CNTF: variants seen among roughly 807,000 people sequenced by gnomAD.
CNTF encodes ciliary neurotrophic factor, also known as Ciliary Neuronotrophic Factor.
Under a neutral mutation model 13.0 loss-of-function variants are expected in CNTF, and 14 were observed. That is an observed-to-expected ratio of 1.07 (90% CI 0.71 to 1.68). The LOEUF (loss-of-function observed/expected upper bound fraction) is 1.68, where lower values mean the gene tolerates loss of function less well. Ranked by LOEUF, CNTF falls within the 40% of genes most tolerant of loss-of-function variation. CNTF has a pLI of 0.00. For missense variants in CNTF, 283 were observed against 252.5 expected (o/e 1.12, Z -0.82); for synonymous variants, 98 against 92.4 (o/e 1.06, Z -0.35).
rs933478283 is a variant in CNTF at position 58,625,715 on chromosome 11, C to T, written c.*1193C>T. Reference sequence around the variant, plus strand: ...AGACTCTGAAACTATAGAATAAAGCCTCTGTGCTGCACAACAAAGGGGCAG... The same window carrying T: ...AGACTCTGAAACTATAGAATAAAGCTTCTGTGCTGCACAACAAAGGGGCAG... On this transcript the variant is annotated 3_prime_UTR_variant, in exon 2 of 2. Coordinates refer to ENST00000361987, the MANE Select transcript of CNTF (RefSeq NM_000614.4). 2 of 152,220 alleles carry T rather than the reference C, an allele frequency of 1.3e-5. No individual in the cohort carries two copies. Among genetic ancestry groups the T allele is most frequent in the Middle Eastern group, 6.8e-3 (2 of 294 alleles). 9.4% of individuals were successfully genotyped at this position (152,220 alleles called of 1,614,324 possible).
chr11:58,622,707 G>A lies in CNTF; in HGVS notation c.-46G>A. ...TCTCTTATTTGGACCAGTATAGACA[G>A]AAGTAAACCCAGCTGACTTGTTTCC... On this transcript the variant is annotated 5_prime_UTR_variant, in exon 1 of 2. Transcript: ENST00000361987. 1.4e-6 allele frequency: 2 copies of A among 1,390,362 alleles called. No individual in the cohort carries two copies. Among genetic ancestry groups the A allele is most frequent in the Non-Finnish European group, 2.0e-6 (2 of 978,586 alleles). 86.1% of individuals were successfully genotyped at this position (1,390,362 alleles called of 1,614,324 possible).
In CNTF at chr11:58,624,311, A is replaced by C; in HGVS notation, c.392A>C (p.Glu131Ala). 1.2e-6 allele frequency: 2 copies of C among 1,613,876 alleles called. No homozygotes were observed. Among genetic ancestry groups the C allele is most frequent in the Non-Finnish European group, 1.7e-6 (2 of 1,179,974 alleles). Residue 131 changes from glutamate to alanine, a missense_variant, in exon 2 of 2, where the codon GAA becomes GCA. Physicochemically the swap from Glu to Ala is moderately radical, Grantham distance 107. Coordinates refer to ENST00000361987, the MANE Select transcript of CNTF (RefSeq NM_000614.4). ...YQIEELMILLEYKIPRNEADG... is the reference protein window; with the variant it reads ...YQIEELMILLAYKIPRNEADG... ...ATAGAGGAGTTAATGATACTCCTGG[A>C]ATACAAGATCCCCCGCAATGAGGCT...
Position 58,625,306 on chromosome 11 carries a change from A to G in CNTF, c.*784A>G, listed in dbSNP as rs1351952328. ...ATCGCTGGAAAACAGCTGCTGTTAG[A>G]TGTCCTCAGAAGTCAGTTGCAAATT... On this transcript the variant is annotated 3_prime_UTR_variant, in exon 2 of 2. Transcript: ENST00000361987. 3 of 152,244 alleles carry G rather than the reference A, an allele frequency of 2.0e-5. No homozygotes were observed. Among genetic ancestry groups the G allele is most frequent in the Admixed American group, 1.3e-4 (2 of 15,272 alleles). 9.4% of individuals were successfully genotyped at this position (152,244 alleles called of 1,614,324 possible). A position where few individuals can be genotyped will look rare whatever the true frequency, so the allele number is the denominator to read the frequency against.
At position 58,622,779 on chromosome 11, in the gene CNTF, G is replaced by T. The variant is rs1382745057; in HGVS notation, c.27G>T (p.Leu9=). 3.7e-6 allele frequency: 6 copies of T among 1,613,968 alleles called. No individual in the cohort carries two copies. Among genetic ancestry groups the T allele is most frequent in the Non-Finnish European group, 5.1e-6 (6 of 1,179,928 alleles). The part of the protein sequence containing the change: MAFTEHSP[L]TPHRRDLCSR... ...TGGCTTTCACAGAGCATTCACCGCT[G>T]ACCCCTCACCGTCGGGACCTCTGTA... Residue 9 remains leucine, a synonymous_variant, in exon 1 of 2, where the codon CTG becomes CTT. Transcript: ENST00000361987.
rs750727405 is a variant in CNTF at position 58,624,390 on chromosome 11, G to A, written c.471G>A (p.Trp157Ter). ...GDGGLFEKKL[W>*]GLKVLQELSQ... ...GTGGTCTCTTTGAGAAGAAGCTGTG[G>A]GGCCTAAAGGTGCTGCAGGAGCTTT... The change falls in exon 2 of 2, where the codon TGG (tryptophan) becomes TGA (stop). Residue 157 changes from tryptophan to a stop codon, truncating the protein, a stop_gained. Coordinates refer to ENST00000361987, the MANE Select transcript of CNTF (RefSeq NM_000614.4). LOFTEE classifies it high-confidence loss of function. 2 of 1,613,978 alleles carry A rather than the reference G, an allele frequency of 1.2e-6. No individual in the cohort carries two copies. The highest frequency in any genetic ancestry group is 1.7e-6 in the Non-Finnish European group (2 of 1,179,974).
In CNTF at chr11:58,625,686, C is replaced by T. The variant is rs1225382480; in HGVS notation, c.*1164C>T. ...GCCCACTCTGTTCCTACTGGAGATA[C>T]CAGAGACTCTGAAACTATAGAATAA... is the stretch of plus-strand genomic sequence containing the variant. On this transcript the variant is annotated 3_prime_UTR_variant, in exon 2 of 2. Coordinates refer to ENST00000361987, the MANE Select transcript of CNTF (RefSeq NM_000614.4). 6.6e-6 allele frequency: 1 copy of T among 152,030 alleles called. No individual in the cohort carries two copies. Among genetic ancestry groups the T allele is most frequent in the Admixed American group, 6.5e-5 (1 of 15,270 alleles). 9.4% of individuals were successfully genotyped at this position (152,030 alleles called of 1,614,324 possible).
In CNTF at chr11:58,624,914, C is replaced by T. The variant is rs908278485; in HGVS notation, c.*392C>T. ...ATGTTAATTCTAGTCCTGGATGACT[C>T]GGTCTGAGAAGATTCAATTTAAAAT... is the stretch of plus-strand genomic sequence containing the variant. On this transcript the variant is annotated 3_prime_UTR_variant, in exon 2 of 2. Transcript: ENST00000361987. 12 of 189,022 alleles carry T rather than the reference C, an allele frequency of 6.3e-5. No homozygotes were observed. The South Asian group carries it at 8.3e-4, about 13-fold the overall frequency. The allele number at this position is 189,022 out of a possible 1,614,324, so 11.7% of individuals were successfully genotyped here.
Position 58,624,421 on chromosome 11 carries a change from TG to T in CNTF, c.504del (p.Trp168Ter). ...GLKVLQELSQWTVRSIHDLRF... is the reference protein window; with the variant it reads ...GLKVLQELSQXTVRSIHDLRF... The stretch of plus-strand genomic sequence containing the variant: ...AAAGGTGCTGCAGGAGCTTTCACAG[TG>T]GACAGTAAGGTCCATCCATGACCTT... On this transcript the variant is annotated frameshift_variant, in exon 2 of 2. Coordinates refer to ENST00000361987, the MANE Select transcript of CNTF (RefSeq NM_000614.4). LOFTEE classifies it high-confidence loss of function. 1 of 1,613,908 alleles carries T rather than the reference TG, an allele frequency of 6.2e-7. No individual in the cohort carries two copies.
At chr11:58,623,961 TGAAATTTAGGGGTGA>T in intron 1 of CNTF, 58 bp from the exon 2 acceptor site, 1 of 1,550,104 alleles carries the variant, frequency 6.5e-7, no homozygotes, top group East Asian at 2.2e-5. Context: ...AGATTTTGTA[TGAAATTTAGGGGTGA>T]TTTAAGGACA....
At chr11:58,623,848 A>G (rs902199384) in intron 1 of CNTF, among the ~76,000 whole-genome samples, 186 bp from the exon 2 acceptor site, 1 of 152,178 alleles carries the variant, frequency 6.6e-6, no homozygotes. Context: ...TTCAGGCAGT[A>G]TTGGGTCTTT....
Position 58,625,159 on chromosome 11 carries a change from T to A in CNTF, c.*637T>A, listed in dbSNP as rs982434766. 1.8e-4 allele frequency: 27 copies of A among 152,538 alleles called. No individual in the cohort carries two copies. The highest frequency in any genetic ancestry group is 6.0e-4 in the African/African-American group (25 of 41,438). The allele number at this position is 152,538 out of a possible 1,614,324, so 9.4% of individuals were successfully genotyped here. On this transcript the variant is annotated 3_prime_UTR_variant, in exon 2 of 2. Coordinates refer to ENST00000361987, the MANE Select transcript of CNTF (RefSeq NM_000614.4). ...CACAGCTAACAAGTAGCACACTGAG[T>A]TTGAACACAGATCATTCTCCTTGTA... is the stretch of plus-strand genomic sequence containing the variant.
Position 58,624,473 on chromosome 11 carries a change from G to A in CNTF, c.554G>A (p.Gly185Glu). 1 of 1,613,962 alleles carries A rather than the reference G, an allele frequency of 6.2e-7. No individual in the cohort carries two copies. The highest frequency in any genetic ancestry group is 2.2e-5 in the East Asian group (1 of 44,862). The change falls in exon 2 of 2, where the codon GGG becomes GAG. Residue 185 changes from glycine to glutamate, a missense_variant. Coordinates refer to ENST00000361987, the MANE Select transcript of CNTF (RefSeq NM_000614.4). ...DLRFISSHQT[G>E]IPARGSHYIA... ...CGTTTCATTTCTTCTCATCAGACTG[G>A]GATCCCAGCACGTGGGAGCCATTAT...
rs376730117 is a variant in CNTF, at chr11:58,624,013, T to G, written c.115-21T>G. On this transcript the variant is annotated intron_variant, in intron 1 of 1. Coordinates refer to ENST00000361987, the MANE Select transcript of CNTF (RefSeq NM_000614.4). The stretch of plus-strand genomic sequence containing the variant: ...TGGGGTGATGACAGAAGATGTGGTG[T>G]TTTCCTGTATCCTCGGCCAGGTGAA... The G allele has an allele frequency of 5.7e-5, 92 of 1,609,304 alleles. No individual in the cohort carries two copies. In the East Asian group the frequency reaches 1.2e-3, roughly 21 times the overall value.
intron 1 of CNTF, 82 bp from the exon 2 acceptor site, chr11:58,623,952 G>C: frequency 1.3e-6 from 2 of 1,535,946 alleles, no homozygotes; most frequent in East Asian, 4.5e-5. Flanking sequence ...AGATGAGTGA[G>C]ATTTTGTATG....
At position 58,624,932 on chromosome 11, in the gene CNTF, T is replaced by C. The variant is rs1936117279; in HGVS notation, c.*410T>C. ...GATGACTCGGTCTGAGAAGATTCAA[T>C]TTAAAATCAGACTCTTTAGTTGATT... On this transcript the variant is annotated 3_prime_UTR_variant, in exon 2 of 2. Coordinates refer to ENST00000361987, the MANE Select transcript of CNTF (RefSeq NM_000614.4). 1.1e-5 allele frequency: 2 copies of C among 185,580 alleles called. No individual in the cohort carries two copies. Among genetic ancestry groups the C allele is most frequent in the Non-Finnish European group, 2.3e-5 (2 of 88,184 alleles). 11.5% of individuals were successfully genotyped at this position (185,580 alleles called of 1,614,324 possible). A position where few individuals can be genotyped will look rare whatever the true frequency, so the allele number is the denominator to read the frequency against.
chr11:58,622,975 G>A (rs1855875228), intron 1 of CNTF, 109 bp downstream of exon 1: 1 of 791,526 alleles, frequency 1.3e-6, no homozygotes, highest in South Asian at 1.5e-5. Context: ...TAATCATATA[G>A]TCATTCATAT....
chr11:58,624,409 G>A lies in CNTF; in HGVS notation c.490G>A (p.Glu164Lys), dbSNP rs1205106165. Residue 164 changes from glutamate to lysine, a missense_variant, in exon 2 of 2, where the codon GAG becomes AAG. Physicochemically the swap from Glu to Lys is moderately conservative, Grantham distance 56. Coordinates refer to ENST00000361987, the MANE Select transcript of CNTF (RefSeq NM_000614.4). ...GCTGTGGGGCCTAAAGGTGCTGCAG[G>A]AGCTTTCACAGTGGACAGTAAGGTC... Reference protein sequence around the residue: ...KKLWGLKVLQELSQWTVRSIH... With the variant: ...KKLWGLKVLQKLSQWTVRSIH... The A allele has an allele frequency of 3.7e-6, 6 of 1,613,960 alleles. No individual in the cohort carries two copies. The highest frequency in any genetic ancestry group is 1.1e-5 in the South Asian group (1 of 91,052).
At chr11:58,623,006 T>G (rs1464299429) in intron 1 of CNTF, 140 bp downstream of exon 1, 2,282 of 593,748 alleles carry the variant, frequency 3.8e-3, no homozygotes, top group East Asian at 9.3e-3. Context: ...ACATGGGCCC[T>G]TCCCTTGAGG....
chr11:58,623,058 A>G (rs1375179201), intron 1 of CNTF, among the ~76,000 whole-genome samples, 192 bp downstream of exon 1: 1 of 152,126 alleles, frequency 6.6e-6, no homozygotes, highest in African/African-American at 2.4e-5. Context: ...GCTGTTTAGG[A>G]GATGAAGTTA....
Sources: allele counts gnomAD v4.1 joint callset (sites outside exome capture counted in the v4.1 genomes callset), GRCh38; gene constraint gnomAD v4.1.1; transcripts MANE v1.5; gene names NCBI Gene and HGNC (gene_info 2026-07-23, HGNC 2026-07-21).